CTNNBIP1: variants seen among roughly 807,000 people sequenced by gnomAD.
CTNNBIP1 encodes the protein beta-catenin-interacting protein 1.
Under a neutral mutation model 11.8 loss-of-function variants are expected in CTNNBIP1, and 7 were observed. The observed-to-expected ratio is 0.60, with a 90% CI of 0.34 to 1.12. The LOEUF (loss-of-function observed/expected upper bound fraction) is 1.12, where lower values mean the gene tolerates loss of function less well. Ranked by LOEUF, CTNNBIP1 falls within the 50% of genes most tolerant of loss-of-function variation. The pLI, the probability that CTNNBIP1 is intolerant of heterozygous loss-of-function variation, is 0.03. For synonymous variants in CTNNBIP1, 58 were observed against 43.9 expected (o/e 1.32, Z -1.26); for missense variants, 101 against 113.4 (o/e 0.89, Z 0.50).
At chr1:9,905,092 T>C (rs1639591316) in intron 1 of CTNNBIP1, among the ~76,000 whole-genome samples, 1 of 152,204 alleles carries the variant, frequency 6.6e-6, no homozygotes. Context: ...CGTAATGTCC[T>C]GTTCTGTCTT....
At position 9,851,596 on chromosome 1, in the gene CTNNBIP1, C is replaced by T. The variant is rs1638387654; in HGVS notation, c.188-820G>A. ...CCATGTTGGTCAGGCTGGTCTCAAACTCCTGACCTCATGATCCACCCACCT... is the reference window on the plus strand; with the variant it reads ...CCATGTTGGTCAGGCTGGTCTCAAATTCCTGACCTCATGATCCACCCACCT... On this transcript the variant is annotated intron_variant, in intron 5 of 5. Transcript: ENST00000377263. This position sits in a 1 kb window ranked among gnomAD's most constrained non-coding sequence, Gnocchi z 4.8. Among the ~76,000 whole-genome samples the T allele has an allele frequency of 6.6e-6, 1 of 152,204 alleles. No homozygotes were observed. The highest frequency in any genetic ancestry group is 1.5e-5 in the Non-Finnish European group (1 of 68,034).
rs1219961877 is a variant in CTNNBIP1, at chr1:9,910,236, C to G, written c.-285G>C. The G allele has an allele frequency of 1.4e-5, 2 of 147,494 alleles. No individual in the cohort carries two copies. Among genetic ancestry groups the G allele is most frequent in the East Asian group, 3.9e-4 (2 of 5,136 alleles). 9.1% of individuals were successfully genotyped at this position (147,494 alleles called of 1,614,324 possible). On this transcript the variant is annotated 5_prime_UTR_variant, in exon 1 of 6. Transcript: ENST00000377263. ...CAGCAGGAGCGGCCGCCTCAGCCTC[C>G]GCCTCCCGCTCCGAGAGTCACCGCG...
At chr1:9,909,954 G>C (rs1245329443) in intron 1 of CTNNBIP1, 141 bp downstream of exon 1, 1 of 151,930 alleles carries the variant, frequency 6.6e-6, no homozygotes, top group Non-Finnish European at 1.5e-5. Flanking sequence ...GCGCCGCTGG[G>C]GCAGTCAGGG....
At chr1:9,879,828 G>A (rs1639045981) in intron 2 of CTNNBIP1, among the ~76,000 whole-genome samples, 1 of 152,200 alleles carries the variant, frequency 6.6e-6, no homozygotes, top group Non-Finnish European at 1.5e-5. Flanking sequence ...GGGGAACACT[G>A]TATTCCTGAC....
At position 9,872,678 on chromosome 1, in the gene CTNNBIP1, C is replaced by G. The variant is rs1038268699; in HGVS notation, c.-24-590G>C. On this transcript the variant is annotated intron_variant, in intron 3 of 5. Transcript: ENST00000377263. The surrounding 1 kb of genome is among the most constrained non-coding windows in gnomAD (Gnocchi z 4.0). The stretch of plus-strand genomic sequence containing the variant: ...GTCCCTTGATGGAAAGACGCTGGCC[C>G]AGGGTTGCAGGGCTTGCTACCTCAG... 6.6e-6 allele frequency among the ~76,000 whole-genome samples: 1 copy of G among 152,184 alleles called. No individual in the cohort carries two copies. Among genetic ancestry groups the G allele is most frequent in the African/African-American group, 2.4e-5 (1 of 41,448 alleles).
Position 9,867,218 on chromosome 1 carries a change from A to G in CTNNBIP1, c.187+3969T>C, listed in dbSNP as rs1638764922. Among the ~76,000 whole-genome samples the G allele has an allele frequency of 6.6e-6, 1 of 152,172 alleles. No homozygotes were observed. Among genetic ancestry groups the G allele is most frequent in the African/African-American group, 2.4e-5 (1 of 41,454 alleles). On this transcript the variant is annotated intron_variant, in intron 5 of 5. Coordinates refer to ENST00000377263, the MANE Select transcript of CTNNBIP1 (RefSeq NM_020248.3). This position sits in a 1 kb window ranked among gnomAD's most constrained non-coding sequence, Gnocchi z 4.6. ...GACAAGGGAGGGAAAGGAGGCTGTC[A>G]TTGGTGGTCTCAGCCCAGCAGAGGC...
At chr1:9,885,867 G>A (rs1364491760) in intron 1 of CTNNBIP1, among the ~76,000 whole-genome samples, 1 of 151,910 alleles carries the variant, frequency 6.6e-6, no homozygotes, top group Non-Finnish European at 1.5e-5. Flanking sequence ...GGGAGGCAGA[G>A]GTTGTGGTGA....
intron 5 of CTNNBIP1, among the ~76,000 whole-genome samples, chr1:9,866,628 C>T (rs1342405869): frequency 6.6e-6 from 1 of 150,512 alleles, no homozygotes; most frequent in Non-Finnish European, 1.5e-5. Flanking sequence ...TGCAGTGAGC[C>T]GAGATCACGC....
chr1:9,866,365 A>T (rs796226742), intron 5 of CTNNBIP1, among the ~76,000 whole-genome samples: 14 of 152,306 alleles, frequency 9.2e-5, no homozygotes, highest in African/African-American at 3.4e-4. Context: ...GCTGGATTTT[A>T]TCCTCAAGGC....
At chr1:9,865,763 A>G (rs1279792346) in intron 5 of CTNNBIP1, among the ~76,000 whole-genome samples, 2 of 152,194 alleles carry the variant, frequency 1.3e-5, no homozygotes, top group Non-Finnish European at 2.9e-5. Context: ...AGGATTCAAT[A>G]TTTCAAACTT....
intron 5 of CTNNBIP1, among the ~76,000 whole-genome samples, chr1:9,861,126 C>A (rs1056811657): frequency 5.3e-5 from 8 of 152,194 alleles, no homozygotes; most frequent in Admixed American, 5.2e-4. Flanking sequence ...CTTCTCTGAC[C>A]ATATGGTTTT....
rs1029825200 is a variant in CTNNBIP1 at position 9,899,215 on chromosome 1, G to C, written c.-144+10880C>G. The stretch of plus-strand genomic sequence containing the variant: ...TCACGCCTGTGATCCCAGCACTTTG[G>C]GAGGCCAAGGCAGGCAGATCACCTA... On this transcript the variant is annotated intron_variant, in intron 1 of 5. Transcript: ENST00000377263. Among the ~76,000 whole-genome samples, 83 of 152,252 alleles carry C rather than the reference G, an allele frequency of 5.5e-4. 1 individual carries two copies. The highest frequency in any genetic ancestry group is 1.9e-4 in the East Asian group (1 of 5,176).
chr1:9,885,909 G>A (rs1235165978), intron 1 of CTNNBIP1, among the ~76,000 whole-genome samples: 1 of 150,814 alleles, frequency 6.6e-6, no homozygotes, highest in East Asian at 1.9e-4. Flanking sequence ...TCCAGCCTGG[G>A]CAACAAGAGT....
intron 5 of CTNNBIP1, among the ~76,000 whole-genome samples, chr1:9,861,280 C>A (rs189738037): frequency 2.6e-5 from 4 of 152,236 alleles, no homozygotes; most frequent in African/African-American, 7.2e-5. Context: ...AGGACCCAGA[C>A]GCTCCTCCAA....
Position 9,903,530 on chromosome 1 carries a change from T to C in CTNNBIP1, c.-144+6565A>G, listed in dbSNP as rs573566658. On this transcript the variant is annotated intron_variant, in intron 1 of 5. Transcript: ENST00000377263. ...TCTTTCCCTTTTTAACAAGGCTTCA[T>C]GGAAGACCAGAGCATAATAGGTCTT... is the stretch of plus-strand genomic sequence containing the variant. Among the ~76,000 whole-genome samples the C allele has an allele frequency of 2.0e-5, 3 of 152,342 alleles. No homozygotes were observed. The South Asian group carries it at 6.2e-4, about 32-fold the overall frequency.
chr1:9,888,115 C>T (rs1000931191), intron 1 of CTNNBIP1, among the ~76,000 whole-genome samples: 1 of 151,884 alleles, frequency 6.6e-6, no homozygotes, highest in African/African-American at 2.4e-5. Context: ...TGAGCCACCA[C>T]ACCCCGCTAA....
At chr1:9,858,362 C>A (rs1417773730) in intron 5 of CTNNBIP1, among the ~76,000 whole-genome samples, 2 of 152,200 alleles carry the variant, frequency 1.3e-5, no homozygotes, top group Non-Finnish European at 2.9e-5. Flanking sequence ...CGCCCACCTC[C>A]TCACTGTGGC....
intron 1 of CTNNBIP1, among the ~76,000 whole-genome samples, chr1:9,891,748 C>G (rs1454941784): frequency 6.6e-6 from 1 of 150,950 alleles, no homozygotes; most frequent in Non-Finnish European, 1.5e-5. Flanking sequence ...TCAAAACCAG[C>G]CTGGGCAATA....
chr1:9,852,991 G>A (rs1638424050), intron 5 of CTNNBIP1, among the ~76,000 whole-genome samples: 1 of 152,204 alleles, frequency 6.6e-6, no homozygotes, highest in African/African-American at 2.4e-5. Context: ...AGGGTGGGAA[G>A]GAAGTAATCT....
Sources: gnomAD v4.1 joint callset for allele counts (sites outside exome capture counted in the v4.1 genomes callset) on GRCh38, gnomAD v4.1.1 for gene constraint, Gnocchi (gnomAD v3.1) non-coding constraint, MANE v1.5 for transcripts, NCBI Gene and HGNC (gene_info 2026-07-23, HGNC 2026-07-21) for gene names.